Variants in KIF1B observed in about 807,000 individuals in gnomAD.
The protein encoded by KIF1B is kinesin-like protein KIF1B.
KIF1B carries 76 observed loss-of-function variants against 241.9 expected under a neutral mutation model. The ratio of observed to expected loss-of-function variants is 0.31; its 90% CI spans 0.26 to 0.38. The LOEUF is 0.38. Ranked by LOEUF, KIF1B falls within the 10% of genes least tolerant of loss-of-function variation. The probability of loss-of-function intolerance (pLI) is 1.00; values close to 1 mark genes in which losing one functional copy is unlikely to be tolerated. For missense variants in KIF1B, 1,622 were observed against 2,271.4 expected, an observed-to-expected ratio of 0.71 and a Z score of 5.81; for synonymous variants, 750 against 796.7, an observed-to-expected ratio of 0.94 and a Z score of 0.99.
In KIF1B at chr1:10,378,652, G is replaced by A. The variant is rs1414536803; in HGVS notation, c.*2065G>A. On this transcript the variant is annotated 3_prime_UTR_variant, in exon 49 of 49. Coordinates refer to ENST00000676179, the MANE Select transcript of KIF1B (RefSeq NM_001365951.3). ...CACGCAGCAAAGGCCAGGGGCTTGC[G>A]CGCCTCTGCAGAGTTGTTGCTAGGG... 11 of 546,948 alleles carry A rather than the reference G, an allele frequency of 2.0e-5. No individual in the cohort carries two copies. Among genetic ancestry groups the A allele is most frequent in the African/African-American group, 7.5e-5 (4 of 53,012 alleles). The allele number at this position is 546,948 out of a possible 1,614,324, so 33.9% of individuals were successfully genotyped here.
At chr1:10,344,480 G>A (rs1652518234) in intron 34 of KIF1B, among the ~76,000 whole-genome samples, 1 of 152,134 alleles carries the variant, frequency 6.6e-6, no homozygotes, top group Admixed American at 6.5e-5. Context: ...CTCTACATGT[G>A]CCTCTTTCAC....
At chr1:10,354,413 G>A (rs1317904141) in intron 38 of KIF1B, among the ~76,000 whole-genome samples, 1 of 151,996 alleles carries the variant, frequency 6.6e-6, no homozygotes, top group Admixed American at 6.6e-5. Context: ...AGAAACCTGT[G>A]AAGAAAATCT....
chr1:10,326,306 T>C lies in KIF1B; in HGVS notation c.2871T>C (p.Ser957=). 1 of 1,614,144 alleles carries C rather than the reference T, an allele frequency of 6.2e-7. No homozygotes were observed. Among genetic ancestry groups the C allele is most frequent in the Non-Finnish European group, 8.5e-7 (1 of 1,180,040 alleles). Residue 957 remains serine, a synonymous_variant, in exon 27 of 49, where the codon AGT becomes AGC. Coordinates refer to ENST00000676179, the MANE Select transcript of KIF1B (RefSeq NM_001365951.3). The surrounding 1 kb of genome is among the most constrained non-coding windows in gnomAD (Gnocchi z 5.2). ...CGGAGGAGGGATCAGATCTCTTCAG[T>C]GACGGGCATGACCCGTTTTACGACC... The part of the protein sequence containing the change: ...AGTEEGSDLF[S]DGHDPFYDRS...
intron 5 of KIF1B, among the ~76,000 whole-genome samples, chr1:10,262,716 G>A (rs866870797): frequency 7.2e-5 from 11 of 152,144 alleles, no homozygotes; most frequent in South Asian, 4.1e-4. Context: ...ATGGTTGAAC[G>A]TCTTGTAAAT....
intron 37 of KIF1B, among the ~76,000 whole-genome samples, chr1:10,350,921 A>AC (rs145952839): frequency 2.0e-4 from 31 of 151,992 alleles, no homozygotes; most frequent in African/African-American, 7.2e-4. Flanking sequence ...ACATGGCAAA[A>AC]CCCTGTCTCT....
chr1:10,240,929 G>T (rs1345894562), intron 2 of KIF1B, among the ~76,000 whole-genome samples: 1 of 151,846 alleles, frequency 6.6e-6, no homozygotes, highest in Non-Finnish European at 1.5e-5. Flanking sequence ...TTCTATTTAT[G>T]AACCATACTT....
chr1:10,376,808 C>A lies in KIF1B; in HGVS notation c.*221C>A. 1 of 539,952 alleles carries A rather than the reference C, an allele frequency of 1.9e-6. No homozygotes were observed. Among genetic ancestry groups the A allele is most frequent in the Non-Finnish European group, 3.4e-6 (1 of 294,856 alleles). The allele number at this position is 539,952 out of a possible 1,614,324, so 33.4% of individuals were successfully genotyped here. ...TGAGAATCTCGTTAGTAGCATGTGG[C>A]CTAACAAAAGGAAAAAATGTTTTTA... On this transcript the variant is annotated 3_prime_UTR_variant, in exon 49 of 49. Coordinates refer to ENST00000676179, the MANE Select transcript of KIF1B (RefSeq NM_001365951.3).
intron 2 of KIF1B, among the ~76,000 whole-genome samples, chr1:10,250,678 T>C (rs577175744): frequency 1.3e-4 from 20 of 152,140 alleles, no homozygotes; most frequent in African/African-American, 4.3e-4. Flanking sequence ...AATTAAAATT[T>C]GGCTTGGCAT....
intron 9 of KIF1B, 151 bp from the exon 10 acceptor site, chr1:10,272,863 C>A: frequency 3.4e-6 from 2 of 590,426 alleles, no homozygotes; most frequent in Non-Finnish European, 5.9e-6. Flanking sequence ...TAGTTTAAAA[C>A]CTCTTTTTAA....
At position 10,365,434 on chromosome 1, in the gene KIF1B, T is replaced by C. The variant is rs745654802; in HGVS notation, c.4538T>C (p.Leu1513Pro). The change falls in exon 43 of 49, where the codon CTG becomes CCG. Residue 1513 changes from leucine (L) to proline (P), a missense_variant. By Grantham distance (98) the Leu-to-Pro change is moderately conservative. Around this residue, in one of 7 missense-constraint regions of KIF1B, gnomAD observed 357 missense variants for 409.0 expected, o/e 0.87. Transcript: ENST00000676179. This position sits in a 1 kb window ranked among gnomAD's most constrained non-coding sequence, Gnocchi z 4.0. ...GTGGAAAAAACCCGCCACTTTTTGCTGCTGCGTGAGAGACTTGGTGACAGC... is the reference window on the plus strand; with the variant it reads ...GTGGAAAAAACCCGCCACTTTTTGCCGCTGCGTGAGAGACTTGGTGACAGC... Reference protein sequence around the residue: ...HEVEKTRHFLLLRERLGDSIP... With the variant: ...HEVEKTRHFLPLRERLGDSIP... The C allele has an allele frequency of 1.9e-6, 3 of 1,614,232 alleles. No homozygotes were observed. In the African/African-American group the frequency reaches 4.0e-5, roughly 22 times the overall value.
chr1:10,332,134 G>A (rs1331844254), intron 27 of KIF1B, among the ~76,000 whole-genome samples: 2 of 151,822 alleles, frequency 1.3e-5, no homozygotes, highest in Non-Finnish European at 2.9e-5. Context: ...GTGCGATCTC[G>A]GCTCACTGCA....
intron 22 of KIF1B, chr1:10,305,029 C>T (rs1650759359): frequency 2.5e-5 from 27 of 1,091,414 alleles, no homozygotes; most frequent in Non-Finnish European, 2.9e-5. Context: ...TGCAGACATT[C>T]AAAAGGAGAA....
chr1:10,374,924 G>A lies in KIF1B; in HGVS notation c.5167G>A (p.Val1723Ile). ...TTACAGTAACTGGGCTAAACATTTT[G>A]TTGTCGTCCGTCGGCCTTATGTCTT... ...PLYSNWAKHFVVVRRPYVFIY... is the reference protein window; with the variant it reads ...PLYSNWAKHFIVVRRPYVFIY... Residue 1723 changes from valine to isoleucine, a missense_variant, in exon 47 of 49, where the codon GTT becomes ATT. By Grantham distance (29) the Val-to-Ile change is conservative. This residue lies in a region of KIF1B where 357 missense variants were observed against 409.0 expected (regional missense o/e 0.87). Transcript: ENST00000676179. The surrounding 1 kb of genome is among the most constrained non-coding windows in gnomAD (Gnocchi z 4.3). 1.2e-6 allele frequency: 2 copies of A among 1,611,526 alleles called. No homozygotes were observed. Among genetic ancestry groups the A allele is most frequent in the Non-Finnish European group, 1.7e-6 (2 of 1,178,512 alleles).
chr1:10,256,731 A>C (rs1647806906), intron 3 of KIF1B, among the ~76,000 whole-genome samples: 1 of 151,026 alleles, frequency 6.6e-6, no homozygotes, highest in African/African-American at 2.4e-5. Flanking sequence ...TTTTCTTCTG[A>C]GACGGAGTCT....
At chr1:10,257,796 C>A (rs1172814762) in intron 3 of KIF1B, among the ~76,000 whole-genome samples, 1 of 152,102 alleles carries the variant, frequency 6.6e-6, no homozygotes, top group African/African-American at 2.4e-5. Context: ...CTGCTTCAGC[C>A]TCCTGAGTAT....
At chr1:10,253,643 A>T (rs1647596276) in intron 2 of KIF1B, among the ~76,000 whole-genome samples, 2 of 152,150 alleles carry the variant, frequency 1.3e-5, no homozygotes, top group South Asian at 4.1e-4. Context: ...ATCCTGTCTC[A>T]GGAAAAAAAA....
In KIF1B at chr1:10,331,945, A is replaced by G. The variant is rs1479607309; in HGVS notation, c.2925-2575A>G. ...GACTTTGCTAGTTTGCTTGAAATATAAAGTGTTAGAGCTATAATTTAGCTT... is the reference window on the plus strand; with the variant it reads ...GACTTTGCTAGTTTGCTTGAAATATGAAGTGTTAGAGCTATAATTTAGCTT... On this transcript the variant is annotated intron_variant, in intron 27 of 48. Coordinates refer to ENST00000676179, the MANE Select transcript of KIF1B (RefSeq NM_001365951.3). Among the ~76,000 whole-genome samples the G allele has an allele frequency of 4.0e-5, 6 of 151,122 alleles. No individual in the cohort carries two copies. In the East Asian group the frequency reaches 1.2e-3, roughly 29 times the overall value.
chr1:10,325,908 C>T (rs1021109883), intron 26 of KIF1B, among the ~76,000 whole-genome samples: 1 of 152,150 alleles, frequency 6.6e-6, no homozygotes, highest in Admixed American at 6.5e-5. Context: ...AGGATTAGTC[C>T]TTACATAACT....
chr1:10,347,957 CA>C (rs1652647128), intron 36 of KIF1B, 130 bp downstream of exon 36: 2 of 720,178 alleles, frequency 2.8e-6, no homozygotes. Context: ...GTCCTGTTGT[CA>C]TTTTTTTTTT....
Sources: allele counts gnomAD v4.1 joint callset (sites outside exome capture counted in the v4.1 genomes callset), GRCh38; gene constraint gnomAD v4.1.1; regional missense constraint gnomAD v4.1.1; non-coding constraint Gnocchi (gnomAD v3.1); transcripts MANE v1.5; gene names NCBI Gene and HGNC (gene_info 2026-07-23, HGNC 2026-07-21).